PMS1: variants seen among roughly 807,000 people sequenced by gnomAD.
The protein encoded by PMS1 is PMS1 protein homolog 1.
PMS1 carries 79 observed loss-of-function variants against 93.1 expected under a neutral mutation model. That is an observed-to-expected ratio of 0.85 (90% CI 0.71 to 1.02). The LOEUF is 1.02. PMS1 is among the 50% of genes least tolerant of loss of function. The probability of loss-of-function intolerance (pLI) is 0.00; values close to 1 mark genes in which losing one functional copy is unlikely to be tolerated. For synonymous variants in PMS1, 335 were observed against 363.4 expected (o/e 0.92, Z 0.89); for missense variants, 1,064 against 1,085.3 (o/e 0.98, Z 0.28).
chr2:189,851,633 A>G (rs894429927), intron 6 of PMS1, among the ~76,000 whole-genome samples: 1 of 152,172 alleles, frequency 6.6e-6, no homozygotes, highest in Non-Finnish European at 1.5e-5. Context: ...CTTACAGGCT[A>G]TGTTAATAAG....
chr2:189,794,416 A>G (rs1258453582), intron 2 of PMS1, among the ~76,000 whole-genome samples: 1 of 152,336 alleles, frequency 6.6e-6, no homozygotes, highest in East Asian at 1.9e-4. Context: ...TGCCCAGCCA[A>G]ACTGAATTTT....
intron 6 of PMS1, among the ~76,000 whole-genome samples, chr2:189,851,585 T>C (rs1219135337): frequency 1.3e-5 from 2 of 152,194 alleles, no homozygotes; most frequent in Non-Finnish European, 1.5e-5. Context: ...TAAACACTTA[T>C]TTCCAAGGGC....
intron 4 of PMS1, among the ~76,000 whole-genome samples, chr2:189,817,370 A>G (rs1256667150): frequency 6.6e-6 from 1 of 152,198 alleles, no homozygotes; most frequent in East Asian, 1.9e-4. Context: ...AAAAATATGT[A>G]CCTATGTACC....
At chr2:189,863,115 C>A (rs1462204462) in intron 9 of PMS1, among the ~76,000 whole-genome samples, 1 of 152,066 alleles carries the variant, frequency 6.6e-6, no homozygotes, top group Admixed American at 6.6e-5. Context: ...ATTTTTTTCA[C>A]CCCTCAAGGA....
At chr2:189,787,602 T>A (rs11490591) in intron 1 of PMS1, among the ~76,000 whole-genome samples, 6 of 28,670 alleles carry the variant, frequency 2.1e-4, no homozygotes, top group Admixed American at 6.4e-4. Context: ...TTCACTTTTT[T>A]ATTTTTTTTT....
chr2:189,865,509 C>T (rs1559326214), intron 10 of PMS1, among the ~76,000 whole-genome samples: 1 of 152,116 alleles, frequency 6.6e-6, no homozygotes, highest in Non-Finnish European at 1.5e-5. Context: ...GTAATGACAG[C>T]CTGTCTTTCA....
rs1247011280 is a variant in PMS1 at position 189,791,873 on chromosome 2, G to A, written c.64G>A (p.Val22Ile). Reference sequence around the variant, plus strand: ...AAGTTCTCAGATCATCACTTCGGTGGTCAGTGTTGTAAAAGAGCTTATTGA... The same window carrying A: ...AAGTTCTCAGATCATCACTTCGGTGATCAGTGTTGTAAAAGAGCTTATTGA... ...LSSSQIITSV[V>I]SVVKELIENS... Residue 22 changes from valine to isoleucine, a missense_variant, in exon 2 of 13, where the codon GTC (valine) becomes ATC (isoleucine). Transcript: ENST00000441310. 1.2e-6 allele frequency: 2 copies of A among 1,613,742 alleles called. No individual in the cohort carries two copies. The highest frequency in any genetic ancestry group is 1.7e-6 in the Non-Finnish European group (2 of 1,179,634).
chr2:189,795,877 C>T lies in PMS1; in HGVS notation c.241C>T (p.His81Tyr). ...MKYYTSKINS[H>Y]EDLENLTTYG... ...GTACTACACCTCAAAAATAAATAGT[C>T]ATGAAGATCTTGAAAATTTGACAAC... is the stretch of plus-strand genomic sequence containing the variant. The change falls in exon 3 of 13, where the codon CAT becomes TAT. Residue 81 changes from histidine to tyrosine, a missense_variant. His to Tyr is a moderately conservative substitution (Grantham distance 83). Transcript: ENST00000441310. 1.2e-6 allele frequency: 2 copies of T among 1,613,432 alleles called. No individual in the cohort carries two copies. The highest frequency in any genetic ancestry group is 1.7e-6 in the Non-Finnish European group (2 of 1,179,424).
At chr2:189,806,540 G>A (rs1254105019) in intron 4 of PMS1, 1 of 203,938 alleles carries the variant, frequency 4.9e-6, no homozygotes, top group Non-Finnish European at 1.0e-5. Flanking sequence ...TGGGACTACA[G>A]GTGCATACCA....
At chr2:189,870,852 C>T (rs140154848) in intron 11 of PMS1, among the ~76,000 whole-genome samples, 2 of 152,258 alleles carry the variant, frequency 1.3e-5, no homozygotes, top group African/African-American at 4.8e-5. Flanking sequence ...ATTTACGTTT[C>T]CCCTATTGCT....
At chr2:189,830,569 T>G (rs2052838853) in intron 5 of PMS1, among the ~76,000 whole-genome samples, 1 of 152,248 alleles carries the variant, frequency 6.6e-6, no homozygotes, top group Admixed American at 6.5e-5. Flanking sequence ...TTGTCTTGAT[T>G]TATTCTCTCT....
At chr2:189,807,585 A>G (rs981374138) in intron 4 of PMS1, among the ~76,000 whole-genome samples, 3 of 152,220 alleles carry the variant, frequency 2.0e-5, no homozygotes, top group African/African-American at 4.8e-5. Flanking sequence ...TGGATGGCCA[A>G]TGGCTTTGCA....
At chr2:189,814,912 A>C (rs757459867) in intron 4 of PMS1, among the ~76,000 whole-genome samples, 2 of 152,066 alleles carry the variant, frequency 1.3e-5, no homozygotes, top group African/African-American at 4.8e-5. Flanking sequence ...CCTGGCTAAC[A>C]TGGTGAAACC....
intron 5 of PMS1, among the ~76,000 whole-genome samples, chr2:189,840,398 A>C (rs2053727812): frequency 6.6e-6 from 1 of 152,232 alleles, no homozygotes; most frequent in African/African-American, 2.4e-5. Context: ...TTGGTACAAG[A>C]GTAGGTTACA....
At chr2:189,858,258 A>T (rs981504810) in intron 9 of PMS1, among the ~76,000 whole-genome samples, 1 of 151,986 alleles carries the variant, frequency 6.6e-6, no homozygotes, top group Non-Finnish European at 1.5e-5. Context: ...GTGCCCTACC[A>T]CTGGGGTCTC....
intron 6 of PMS1, among the ~76,000 whole-genome samples, chr2:189,848,577 G>A (rs1045177653): frequency 2.0e-5 from 3 of 152,082 alleles, no homozygotes; most frequent in Admixed American, 2.0e-4. Flanking sequence ...TGCATAAAGA[G>A]TCCTAGTAAT....
At chr2:189,816,182 C>T (rs142396105) in intron 4 of PMS1, among the ~76,000 whole-genome samples, 43 of 152,336 alleles carry the variant, frequency 2.8e-4, no homozygotes, top group African/African-American at 1.0e-3. Context: ...TAGGTGCAAC[C>T]ACCACACCTG....
chr2:189,836,749 C>A (rs1179185319), intron 5 of PMS1, among the ~76,000 whole-genome samples: 1 of 152,156 alleles, frequency 6.6e-6, no homozygotes, highest in Non-Finnish European at 1.5e-5. Flanking sequence ...CGATCTGATG[C>A]AATAAAAATT....
At chr2:189,864,722 ATATATATATATATG>A (rs1309491440) in intron 10 of PMS1, among the ~76,000 whole-genome samples, 1 of 94,886 alleles carries the variant, frequency 1.1e-5, no homozygotes, top group Non-Finnish European at 2.0e-5. Flanking sequence ...ATATATATAT[ATATATATATATATG>A]ATTTCTAATC....
Sources: gnomAD v4.1 joint callset for allele counts (sites outside exome capture counted in the v4.1 genomes callset) on GRCh38, gnomAD v4.1.1 for gene constraint, MANE v1.5 for transcripts, NCBI Gene and HGNC (gene_info 2026-07-23, HGNC 2026-07-21) for gene names.